Variants in CLCN7 observed in about 807,000 individuals in gnomAD.
CLCN7 encodes the protein Cl-/H+ antiporter 7.
A neutral mutation model predicts 102.1 loss-of-function variants in CLCN7; 60 were observed. The observed-to-expected ratio is 0.59, with a 90% CI of 0.48 to 0.73. The LOEUF is 0.73. CLCN7 is among the 30% of genes least tolerant of loss of function. The probability of loss-of-function intolerance (pLI) is 0.00; values close to 1 mark genes in which losing one functional copy is unlikely to be tolerated. For missense variants in CLCN7, 962 were observed against 1,125.7 expected (o/e 0.85, Z 2.08); for synonymous variants, 560 against 490.5 (o/e 1.14, Z -1.87).
chr16:1,447,824 G>T, intron 21 of CLCN7, 110 bp from the exon 22 acceptor site: 1 of 1,243,242 alleles, frequency 8.0e-7, no homozygotes, highest in Non-Finnish European at 1.1e-6. Flanking sequence ...TCCCATCTGG[G>T]CATGGGCCCC....
chr16:1,472,072 T>C (rs2039086249), intron 1 of CLCN7: 1 of 152,274 alleles, frequency 6.6e-6, no homozygotes, highest in African/African-American at 2.4e-5. Flanking sequence ...CACAGGGCAC[T>C]GGGCCTGTCT....
intron 6 of CLCN7, among the ~76,000 whole-genome samples, chr16:1,459,972 A>T (rs1282015703): frequency 6.8e-6 from 1 of 147,146 alleles, no homozygotes; most frequent in Non-Finnish European, 1.5e-5. Flanking sequence ...GCCCCAGGGA[A>T]GGGGAGCTCA....
In CLCN7 at chr16:1,446,309, G is replaced by A. The variant is rs2142363513; in HGVS notation, c.*322C>T. 1.0e-5 allele frequency: 7 copies of A among 700,776 alleles called. No individual in the cohort carries two copies. The highest frequency in any genetic ancestry group is 8.9e-5 in the South Asian group (6 of 67,520). 43.4% of individuals were successfully genotyped at this position (700,776 alleles called of 1,614,324 possible). ...GCACAGGCACGCAGGTGCCGGCCCT[G>A]CCGCTGGCTCCCAAGAGGCCGATAG... is the stretch of plus-strand genomic sequence containing the variant. On this transcript the variant is annotated 3_prime_UTR_variant, in exon 25 of 25. Transcript: ENST00000382745.
intron 1 of CLCN7, chr16:1,471,936 T>C (rs2039084298): frequency 6.6e-6 from 1 of 152,418 alleles, no homozygotes; most frequent in African/African-American, 2.4e-5. Flanking sequence ...ACCTCCAGGC[T>C]CCACAGCGCA....
In CLCN7 at chr16:1,448,492, A is replaced by C. The variant is rs573145487; in HGVS notation, c.1884-8T>G. On this transcript the variant is annotated splice_region_variant and splice_polypyrimidine_tract_variant and intron_variant, in intron 20 of 24. Coordinates refer to ENST00000382745, the MANE Select transcript of CLCN7 (RefSeq NM_001287.6). ...GGTGTGCTCATCACCTCCCTGCCGG[A>C]GGAGCCCGGCCACACATGCCCGTCA... The C allele has an allele frequency of 1.3e-5, 21 of 1,607,990 alleles. No homozygotes were observed. The highest frequency in any genetic ancestry group is 1.8e-5 in the Non-Finnish European group (21 of 1,179,924).
chr16:1,447,834 C>T (rs936512062), intron 21 of CLCN7, 120 bp from the exon 22 acceptor site: 6 of 1,119,136 alleles, frequency 5.4e-6, no homozygotes, highest in African/African-American at 1.5e-5. Flanking sequence ...GCATGGGCCC[C>T]GTGTCGGTGG....
chr16:1,448,511 C>A (rs374920157), intron 20 of CLCN7, 27 bp from the exon 21 acceptor site: 7 of 1,606,138 alleles, frequency 4.4e-6, no homozygotes, highest in Admixed American at 3.3e-5. Flanking sequence ...GCCACACATG[C>A]CCGTCACACG....
In CLCN7 at chr16:1,446,272, T is replaced by C. The variant is rs762306226; in HGVS notation, c.*359A>G. The C allele has an allele frequency of 1.4e-6, 1 of 692,516 alleles. No homozygotes were observed. Among genetic ancestry groups the C allele is most frequent in the Middle Eastern group, 3.4e-4 (1 of 2,936 alleles). 42.9% of individuals were successfully genotyped at this position (692,516 alleles called of 1,614,324 possible). ...CAGCAGCAGGGGCAAGGGCTCTGTC[T>C]CACGCACACGGGCACAGGCACGCAG... On this transcript the variant is annotated 3_prime_UTR_variant, in exon 25 of 25. Transcript: ENST00000382745.
chr16:1,447,727 C>A lies in CLCN7; in HGVS notation c.2014-13G>T. 6.5e-7 allele frequency: 1 copy of A among 1,550,314 alleles called. No individual in the cohort carries two copies. ...GGAGCCGGGCAGGCTGCAAGACAGG[C>A]CCGCGGTCAGGGCCACGGGCCCGAG... On this transcript the variant is annotated splice_polypyrimidine_tract_variant and intron_variant, in intron 21 of 24. Transcript: ENST00000382745.
intron 14 of CLCN7, 133 bp from the exon 15 acceptor site, chr16:1,453,026 A>G (rs2038778458): frequency 7.4e-7 from 1 of 1,354,136 alleles, no homozygotes; most frequent in Non-Finnish European, 1.0e-6. Flanking sequence ...TTTGTTTTTG[A>G]GACGGAGTTT....
chr16:1,468,652 G>A (rs569941464), intron 1 of CLCN7, among the ~76,000 whole-genome samples: 1 of 152,254 alleles, frequency 6.6e-6, no homozygotes, highest in African/African-American at 2.4e-5. Context: ...CGAGAGGCGA[G>A]ACTCGGGCCG....
intron 1 of CLCN7, among the ~76,000 whole-genome samples, chr16:1,473,259 T>C (rs564078934): frequency 7.4e-4 from 112 of 152,066 alleles, no homozygotes; most frequent in Non-Finnish European, 1.4e-3. Flanking sequence ...TGCTGCTTCT[T>C]ATCAGCAAAA....
In CLCN7 at chr16:1,456,116, C is replaced by T. The variant is rs558354107; in HGVS notation, c.913G>A (p.Val305Met). The T allele has an allele frequency of 4.5e-6, 7 of 1,554,774 alleles. No homozygotes were observed. The highest frequency in any genetic ancestry group is 2.4e-5 in the East Asian group (1 of 41,320). ...GACCCGGTGCGGCCCTCCTCACCCACGGGGGCTCCAAACGCCGCTGACACT... is the reference window on the plus strand; with the variant it reads ...GACCCGGTGCGGCCCTCCTCACCCATGGGGGCTCCAAACGCCGCTGACACT... ...AGVSAAFGAPVGGVLFSLEEG... is the reference protein window; with the variant it reads ...AGVSAAFGAPMGGVLFSLEEG... Residue 305 changes from valine (V) to methionine (M), a missense_variant, in exon 10 of 25, where the codon GTG becomes ATG. This residue lies in a region of CLCN7 where 799 missense variants were observed against 988.0 expected (regional missense o/e 0.81). Coordinates refer to ENST00000382745, the MANE Select transcript of CLCN7 (RefSeq NM_001287.6).
chr16:1,473,021 T>G (rs2039098704), intron 1 of CLCN7, among the ~76,000 whole-genome samples: 2 of 146,792 alleles, frequency 1.4e-5, no homozygotes, highest in Non-Finnish European at 3.1e-5. Flanking sequence ...TCCCCTACCT[T>G]GGCCTCCCAA....
intron 13 of CLCN7, 70 bp from the exon 14 acceptor site, chr16:1,453,964 G>C (rs1014747177): frequency 1.3e-6 from 2 of 1,502,704 alleles, no homozygotes; most frequent in Non-Finnish European, 1.9e-6. Context: ...CCGGCTCCCA[G>C]ATGGCAGGAG....
intron 2 of CLCN7, among the ~76,000 whole-genome samples, chr16:1,462,653 T>A (rs1433787966): frequency 2.9e-5 from 3 of 103,792 alleles, no homozygotes; most frequent in East Asian, 4.9e-4. Context: ...ACCCCAACTC[T>A]TAAAAAAAAG....
Position 1,457,721 on chromosome 16 carries a change from G to C in CLCN7, c.711C>G (p.Ser237=). 6.2e-7 allele frequency: 1 copy of C among 1,613,890 alleles called. No homozygotes were observed. The highest frequency in any genetic ancestry group is 8.5e-7 in the Non-Finnish European group (1 of 1,180,016). ...TTCCCACGGCCAGGCCCCCGACCAC[G>C]GACAGGATCACACCGGACACTTTGA... ...LVIKVSGVIL[S]VVGGLAVGKE... Residue 237 remains serine (S), a synonymous_variant, in exon 8 of 25, where the codon TCC becomes TCG. Coordinates refer to ENST00000382745, the MANE Select transcript of CLCN7 (RefSeq NM_001287.6). The surrounding 1 kb of genome is among the most constrained non-coding windows in gnomAD (Gnocchi z 5.4).
rs1340989743 is a variant in CLCN7 at position 1,474,848 on chromosome 16, C to A, written c.127G>T (p.Gly43Trp). 7.2e-7 allele frequency: 1 copy of A among 1,391,990 alleles called. No homozygotes were observed. The highest frequency in any genetic ancestry group is 2.8e-5 in the Admixed American group (1 of 35,762). 86.2% of individuals were successfully genotyped at this position (1,391,990 alleles called of 1,614,324 possible). A position where few individuals can be genotyped will look rare whatever the true frequency, so the allele number is the denominator to read the frequency against. Reference protein sequence around the residue: ...GTPLLNGAGPGAARQSPRSAL... With the variant: ...GTPLLNGAGPWAARQSPRSAL... Reference sequence around the variant, plus strand: ...CCCGGCCTCACCTGGCGCGCAGCCCCAGGCCCAGCCCCGTTCAGCAGCGGC... The same window carrying A: ...CCCGGCCTCACCTGGCGCGCAGCCCAAGGCCCAGCCCCGTTCAGCAGCGGC... Residue 43 changes from glycine to tryptophan, a missense_variant, in exon 1 of 25, where the codon GGG becomes TGG. Gly to Trp is a radical substitution (Grantham distance 184, BLOSUM62 -2). This residue lies in a region of CLCN7 where 163 missense variants were observed against 137.7 expected (regional missense o/e 1.18). Coordinates refer to ENST00000382745, the MANE Select transcript of CLCN7 (RefSeq NM_001287.6).
At position 1,458,559 on chromosome 16, in the gene CLCN7, G is replaced by A. The variant is rs116897891; in HGVS notation, c.675+548C>T. Among the ~76,000 whole-genome samples, 349 of 152,266 alleles carry A rather than the reference G, an allele frequency of 2.3e-3. 5 individuals are homozygous for A. In the East Asian group the frequency reaches 0.033, roughly 14 times the overall value. ...TCCTTGGCCACGGGGACCAGGCCCC[G>A]GAAGCACCCCCAGGGGGCAGCGGCC... is the stretch of plus-strand genomic sequence containing the variant. On this transcript the variant is annotated intron_variant, in intron 7 of 24. Transcript: ENST00000382745.
Sources: gnomAD v4.1 joint callset for allele counts (sites outside exome capture counted in the v4.1 genomes callset) on GRCh38, gnomAD v4.1.1 for gene constraint, gnomAD v4.1.1 regional missense constraint, Gnocchi (gnomAD v3.1) non-coding constraint, MANE v1.5 for transcripts, NCBI Gene and HGNC (gene_info 2026-07-23, HGNC 2026-07-21) for gene names.